The following KLF12 variants were observed in gnomAD, a reference collection of about 807,000 sequenced individuals.
KLF12 encodes the protein KLF transcription factor 12.
KLF12 carries 9 observed loss-of-function variants against 37.8 expected under a neutral mutation model. That is an observed-to-expected ratio of 0.24 (90% confidence interval 0.14 to 0.42). The LOEUF (loss-of-function observed/expected upper bound fraction) is 0.42. Among genes scored for constraint, KLF12 ranks in the 10% least tolerant of loss-of-function variants. KLF12 has a pLI of 1.00. For synonymous variants in KLF12, 208 were observed against 202.1 expected, an observed-to-expected ratio of 1.03 and a Z score of -0.25; for missense variants, 411 against 516.0, an observed-to-expected ratio of 0.80 and a Z score of 1.97.
chr13:73,823,716 C>G (rs1375723728), intron 4 of KLF12, among the ~76,000 whole-genome samples: 1 of 144,122 alleles, frequency 6.9e-6, no homozygotes, highest in Non-Finnish European at 1.5e-5. Context: ...GTTCTGGCCT[C>G]TTCTTTTTTT....
At chr13:74,171,419 G>C in the KLF12 span, among the ~76,000 whole-genome samples, 17 of 152,122 alleles carry the variant, frequency 1.1e-4, no homozygotes, top group African/African-American at 3.9e-4. Context: ...GTGAGCGGAG[G>C]GACTCTGGAA....
At chr13:73,732,675 T>C (rs1476813623) in intron 6 of KLF12, among the ~76,000 whole-genome samples, 1 of 152,220 alleles carries the variant, frequency 6.6e-6, no homozygotes, top group Non-Finnish European at 1.5e-5. Context: ...GTTTCAACTC[T>C]TCCTTGAGTG....
chr13:74,188,235 A>T, the KLF12 span, among the ~76,000 whole-genome samples: 1 of 152,208 alleles, frequency 6.6e-6, no homozygotes, highest in East Asian at 1.9e-4. Context: ...GCCATAATTT[A>T]GTAAGCTAAT....
chr13:74,158,074 T>C, the KLF12 span, among the ~76,000 whole-genome samples: 1 of 152,032 alleles, frequency 6.6e-6, no homozygotes, highest in Non-Finnish European at 1.5e-5. Flanking sequence ...GTGACATTGG[T>C]GGAAATAAGT....
chr13:73,982,888 C>A (rs1891724200), intron 2 of KLF12, among the ~76,000 whole-genome samples: 1 of 151,780 alleles, frequency 6.6e-6, no homozygotes, highest in Non-Finnish European at 1.5e-5. Context: ...ACCCACTTTT[C>A]ATTTATTTCA....
Position 73,865,716 on chromosome 13 carries a change from T to C in KLF12, c.124-19343A>G, listed in dbSNP as rs549338290. ...TAAAAATTTTTAGAGTTATCCAACATGTACTTTAAAATAACAATCATAAAA... is the reference window on the plus strand; with the variant it reads ...TAAAAATTTTTAGAGTTATCCAACACGTACTTTAAAATAACAATCATAAAA... On this transcript the variant is annotated intron_variant, in intron 3 of 7. Coordinates refer to ENST00000377669, the MANE Select transcript of KLF12 (RefSeq NM_007249.5). Among the ~76,000 whole-genome samples, 7 of 152,252 alleles carry C rather than the reference T, an allele frequency of 4.6e-5. No individual in the cohort carries two copies. The South Asian group carries it at 1.4e-3, about 32-fold the overall frequency.
the KLF12 span, among the ~76,000 whole-genome samples, chr13:74,252,977 GTCTATCTA>G: frequency 0.22 from 32,419 of 147,120 alleles, 4,329 homozygotes; most frequent in East Asian, 0.43. Context: ...TCTGTCATCT[GTCTATCTA>G]TCTATCTATC....
chr13:74,179,670 C>T, the KLF12 span, among the ~76,000 whole-genome samples: 3,639 of 152,182 alleles, frequency 0.024, 149 homozygotes, highest in African/African-American at 0.08. Flanking sequence ...TTTTCAGTGG[C>T]TTATGAAACT....
chr13:74,262,318 A>G, the KLF12 span, among the ~76,000 whole-genome samples: 1 of 152,240 alleles, frequency 6.6e-6, no homozygotes, highest in Non-Finnish European at 1.5e-5. Context: ...GATGGCTGGA[A>G]GAACCTGTAG....
intron 6 of KLF12, among the ~76,000 whole-genome samples, chr13:73,739,804 C>A (rs112982067): frequency 0.017 from 2,587 of 152,302 alleles, 56 homozygotes; most frequent in African/African-American, 0.055. Flanking sequence ...GCTAGCTTTG[C>A]CAATGATAAA....
At chr13:74,083,594 A>G (rs1455251357) in intron 1 of KLF12, among the ~76,000 whole-genome samples, 1 of 152,174 alleles carries the variant, frequency 6.6e-6, no homozygotes, top group African/African-American at 2.4e-5. Context: ...GGAGAGATAC[A>G]TAAATCCAAG....
chr13:73,984,369 G>A (rs376168012), intron 2 of KLF12, among the ~76,000 whole-genome samples: 133 of 152,274 alleles, frequency 8.7e-4, no homozygotes, highest in African/African-American at 3.1e-3. Flanking sequence ...ACAGGGAAGC[G>A]GCTGGTCCAC....
At chr13:74,145,208 C>T in the KLF12 span, among the ~76,000 whole-genome samples, 2 of 152,008 alleles carry the variant, frequency 1.3e-5, no homozygotes, top group Admixed American at 6.6e-5. Context: ...CAGATGTGAC[C>T]GTCGTATCTT....
chr13:74,290,421 T>A, the KLF12 span, among the ~76,000 whole-genome samples: 1 of 152,198 alleles, frequency 6.6e-6, no homozygotes, highest in Non-Finnish European at 1.5e-5. Flanking sequence ...CAAAGCGAAT[T>A]TGAGAGCACA....
intron 6 of KLF12, among the ~76,000 whole-genome samples, chr13:73,723,669 G>A (rs192905932): frequency 9.2e-5 from 14 of 152,204 alleles, no homozygotes; most frequent in Admixed American, 7.8e-4. Context: ...CTGATTTGGG[G>A]ACTCTCTAGA....
chr13:73,828,655 C>T (rs541159332), intron 4 of KLF12, among the ~76,000 whole-genome samples: 11 of 152,264 alleles, frequency 7.2e-5, no homozygotes, highest in African/African-American at 2.6e-4. Flanking sequence ...CCCTTCATGC[C>T]CAAAACTTTA....
At chr13:73,941,792 A>C (rs1337138774) in intron 3 of KLF12, among the ~76,000 whole-genome samples, 1 of 152,212 alleles carries the variant, frequency 6.6e-6, no homozygotes, top group Non-Finnish European at 1.5e-5. Flanking sequence ...CTTTGCTACA[A>C]AAGAGAATGA....
chr13:74,096,773 C>T (rs1876009917), intron 1 of KLF12, among the ~76,000 whole-genome samples: 1 of 152,122 alleles, frequency 6.6e-6, no homozygotes, highest in Admixed American at 6.5e-5. Flanking sequence ...AAGGGAGATA[C>T]ATAGAATGCC....
chr13:74,264,046 G>A, the KLF12 span, among the ~76,000 whole-genome samples: 1 of 152,304 alleles, frequency 6.6e-6, no homozygotes, highest in Middle Eastern at 3.4e-3. Context: ...CATAACTGGG[G>A]TTAAAAGCAG....
Sources: gnomAD v4.1 joint callset for allele counts (sites outside exome capture counted in the v4.1 genomes callset) on GRCh38, gnomAD v4.1.1 for gene constraint, MANE v1.5 for transcripts, NCBI Gene and HGNC (gene_info 2026-07-23, HGNC 2026-07-21) for gene names.